ZFAND3: variants seen among roughly 807,000 people sequenced by gnomAD.
ZFAND3 encodes the protein AN1-type zinc finger protein 3.
A neutral mutation model predicts 29.6 loss-of-function variants in ZFAND3; 10 were observed. The ratio of observed to expected loss-of-function variants is 0.34; its 90% CI spans 0.21 to 0.57. The LOEUF is 0.57. Among genes scored for constraint, ZFAND3 ranks in the 20% least tolerant of loss-of-function variants. The pLI, the probability that ZFAND3 is intolerant of heterozygous loss-of-function variation, is 0.86. For missense variants in ZFAND3, 230 were observed against 304.5 expected (o/e 0.76, Z 1.82); for synonymous variants, 128 against 112.6 (o/e 1.14, Z -0.87).
chr6:37,912,296 G>C (rs1476746885), intron 1 of ZFAND3, among the ~76,000 whole-genome samples: 1 of 152,110 alleles, frequency 6.6e-6, no homozygotes, highest in Non-Finnish European at 1.5e-5. Context: ...GTAGCACACA[G>C]AGTATGCTCA....
chr6:38,092,201 C>T (rs1390073150), intron 4 of ZFAND3, among the ~76,000 whole-genome samples: 2 of 152,156 alleles, frequency 1.3e-5, no homozygotes, highest in African/African-American at 4.8e-5. Flanking sequence ...ATCACACCCT[C>T]AGAAGGAGTT....
intron 2 of ZFAND3, among the ~76,000 whole-genome samples, chr6:38,029,211 T>C (rs1052586283): frequency 6.6e-6 from 1 of 152,204 alleles, no homozygotes; most frequent in Non-Finnish European, 1.5e-5. Context: ...TAAAACACTT[T>C]TGAAATGTCT....
intron 2 of ZFAND3, among the ~76,000 whole-genome samples, chr6:38,011,730 A>G (rs1763156122): frequency 6.6e-6 from 1 of 152,152 alleles, no homozygotes; most frequent in African/African-American, 2.4e-5. Context: ...TTAATTTTAT[A>G]TTAATTGGTT....
chr6:37,824,179 G>A (rs1205402715), intron 1 of ZFAND3, among the ~76,000 whole-genome samples: 1 of 152,156 alleles, frequency 6.6e-6, no homozygotes, highest in African/African-American at 2.4e-5. Context: ...CTCATTTTAG[G>A]CATTTAGTAC....
intron 2 of ZFAND3, among the ~76,000 whole-genome samples, chr6:37,932,272 AAT>A (rs1554159684): frequency 2.6e-5 from 4 of 152,026 alleles, no homozygotes; most frequent in African/African-American, 4.8e-5. Flanking sequence ...AAAAAAAAAA[AAT>A]AAATAAATAA....
At chr6:37,870,600 G>GAA (rs35350059) in intron 1 of ZFAND3, among the ~76,000 whole-genome samples, 57,657 of 111,536 alleles carry the variant, frequency 0.52, 14,211 homozygotes, top group Non-Finnish European at 0.6. Context: ...CTCTGTCTCA[G>GAA]AAAAAAAAAA....
intron 1 of ZFAND3, among the ~76,000 whole-genome samples, chr6:37,924,054 G>T (rs1266445521): frequency 6.6e-6 from 1 of 151,156 alleles, no homozygotes; most frequent in East Asian, 1.9e-4. Flanking sequence ...AACATTATTA[G>T]AAAAAGAAAA....
intron 4 of ZFAND3, among the ~76,000 whole-genome samples, chr6:38,101,377 G>A (rs1041848667): frequency 2.0e-5 from 3 of 152,308 alleles, no homozygotes; most frequent in Admixed American, 1.3e-4. Flanking sequence ...CATTCAGGGA[G>A]AAGAAAAGGT....
chr6:38,045,093 T>TTG (rs1561978667), intron 2 of ZFAND3, among the ~76,000 whole-genome samples: 28 of 147,466 alleles, frequency 1.9e-4, no homozygotes, highest in African/African-American at 6.2e-4. Flanking sequence ...TTTATTTATT[T>TTG]ATTTATTTAT....
At chr6:38,056,014 T>C (rs1179977793) in intron 2 of ZFAND3, among the ~76,000 whole-genome samples, 1 of 152,212 alleles carries the variant, frequency 6.6e-6, no homozygotes, top group Non-Finnish European at 1.5e-5. Flanking sequence ...ATAGTAAGTC[T>C]TGTGCTATGG....
chr6:38,035,268 A>G (rs1763636287), intron 2 of ZFAND3, among the ~76,000 whole-genome samples: 1 of 152,104 alleles, frequency 6.6e-6, no homozygotes, highest in Admixed American at 6.5e-5. Flanking sequence ...ATCTTCTATT[A>G]TGTTTCTTTA....
intron 1 of ZFAND3, among the ~76,000 whole-genome samples, chr6:37,915,291 T>C (rs1948822021): frequency 1.3e-5 from 2 of 152,234 alleles, no homozygotes; most frequent in African/African-American, 2.4e-5. Flanking sequence ...TCTGTCTTGA[T>C]ACTAAAACTT....
chr6:37,832,701 T>C (rs1261613159), intron 1 of ZFAND3, among the ~76,000 whole-genome samples: 1 of 152,082 alleles, frequency 6.6e-6, no homozygotes, highest in African/African-American at 2.4e-5. Context: ...CTCGACAGGG[T>C]CTCGCTCTGT....
chr6:37,849,485 T>C (rs1764244264), intron 1 of ZFAND3, among the ~76,000 whole-genome samples: 1 of 152,222 alleles, frequency 6.6e-6, no homozygotes, highest in South Asian at 2.1e-4. Context: ...CTTGGCTCAC[T>C]GCAACCTCTG....
chr6:38,002,677 A>G (rs1467567142), intron 2 of ZFAND3, among the ~76,000 whole-genome samples: 2 of 152,134 alleles, frequency 1.3e-5, no homozygotes, highest in Non-Finnish European at 2.9e-5. Flanking sequence ...AAAAACAACA[A>G]CAATAAAAAC....
At chr6:38,142,331 T>A (rs1448161609) in intron 5 of ZFAND3, 1 of 471,344 alleles carries the variant, frequency 2.1e-6, no homozygotes, top group Non-Finnish European at 4.4e-6. Context: ...TCGGACATTC[T>A]GTGACTTGGA....
At chr6:38,026,070 T>C (rs1356034814) in intron 2 of ZFAND3, among the ~76,000 whole-genome samples, 1 of 152,202 alleles carries the variant, frequency 6.6e-6, no homozygotes, top group Non-Finnish European at 1.5e-5. Flanking sequence ...ATAAAGCTGT[T>C]ACAAAAATAA....
chr6:37,838,815 C>T (rs1387511203), intron 1 of ZFAND3, among the ~76,000 whole-genome samples: 1 of 152,172 alleles, frequency 6.6e-6, no homozygotes, highest in Non-Finnish European at 1.5e-5. Context: ...CCTGTTTTCA[C>T]TTCTCTTATT....
intron 4 of ZFAND3, among the ~76,000 whole-genome samples, chr6:38,111,869 G>A (rs761861245): frequency 3.9e-5 from 6 of 152,098 alleles, no homozygotes; most frequent in Admixed American, 6.5e-5. Context: ...AGCTGTATAC[G>A]GGAGGATGTA....
Sources: gnomAD v4.1 joint callset for allele counts (sites outside exome capture counted in the v4.1 genomes callset) on GRCh38, gnomAD v4.1.1 for gene constraint, MANE v1.5 for transcripts, NCBI Gene and HGNC (gene_info 2026-07-23, HGNC 2026-07-21) for gene names.